C1QTNF6: variants seen among roughly 807,000 people sequenced by gnomAD.
The protein encoded by C1QTNF6 is complement C1q tumor necrosis factor-related protein 6.
In C1QTNF6, 17 loss-of-function variants were observed where a neutral mutation model predicts 20.7. The ratio of observed to expected loss-of-function variants is 0.82; its 90% CI spans 0.56 to 1.23. C1QTNF6 has a LOEUF of 1.23. C1QTNF6 is among the 50% of genes most tolerant of loss of function. C1QTNF6 has a pLI of 0.00. For missense variants in C1QTNF6, 329 were observed against 389.7 expected (o/e 0.84, Z 1.31); for synonymous variants, 130 against 156.3 (o/e 0.83, Z 1.25).
At chr22:37,192,246 T>C (rs1200316948), upstream of C1QTNF6, among the ~76,000 whole-genome samples, 1 of 152,252 alleles carries the variant, frequency 6.6e-6, no homozygotes, top group Non-Finnish European at 1.5e-5. Context: ...ACACCTTGCA[T>C]ATAAAACTGT....
At chr22:37,188,310 A>AGAGAGGAGGGGATGGAGGGT, upstream of C1QTNF6, 4 of 855,186 alleles carry the variant, frequency 4.7e-6, no homozygotes, top group Non-Finnish European at 6.4e-6. Flanking sequence ...GGATGGAGGG[A>AGAGAGGAGGGGATGGAGGGT]GAGAGGGCGG....
chr22:37,180,446 A>G lies in C1QTNF6; in HGVS notation c.*1742T>C, dbSNP rs9286. 60,679 of 152,826 alleles carry G rather than the reference A, an allele frequency of 0.4. 13,932 individuals are homozygous for G. The highest frequency in any genetic ancestry group is 0.62 in the African/African-American group (25,796 of 41,528). 9.5% of individuals were successfully genotyped at this position (152,826 alleles called of 1,614,324 possible). ...CCACCTGGGTTTGGAAGGCTAGGGG[A>G]ACACCAGGCCACCCCACCCTGGAAG... On this transcript the variant is annotated 3_prime_UTR_variant, in exon 3 of 3. Transcript: ENST00000337843.
At chr22:37,189,098 C>T (rs1156605826), upstream of C1QTNF6, among the ~76,000 whole-genome samples, 4 of 152,178 alleles carry the variant, frequency 2.6e-5, no homozygotes, top group East Asian at 7.7e-4. Flanking sequence ...TTTCCTGAAA[C>T]TGAGGCTTCC....
Position 37,182,479 on chromosome 22 carries a change from C to G in C1QTNF6, c.546G>C (p.Gln182His). 1 of 1,614,284 alleles carries G rather than the reference C, an allele frequency of 6.2e-7. No individual in the cohort carries two copies. Among genetic ancestry groups the G allele is most frequent in the Admixed American group, 1.7e-5 (1 of 60,036 alleles). The change falls in exon 3 of 3, where the codon CAG (glutamine) becomes CAC (histidine). Residue 182 changes from glutamine to histidine, a missense_variant. Physicochemically the swap from Gln to His is conservative, Grantham distance 24. Transcript: ENST00000337843. ...AGATGCCACGCAGGGGAGCAGCAAA[C>G]TGGCCGGTCGCCATGTCAAAGCACC... is the stretch of plus-strand genomic sequence containing the variant. Reference protein sequence around the residue: ...LDGCFDMATGQFAAPLRGIYF... With the variant: ...LDGCFDMATGHFAAPLRGIYF...
Position 37,181,556 on chromosome 22 carries a change from C to G in C1QTNF6, c.*632G>C, listed in dbSNP as rs564147954. On this transcript the variant is annotated 3_prime_UTR_variant, in exon 3 of 3. Coordinates refer to ENST00000337843, the MANE Select transcript of C1QTNF6 (RefSeq NM_031910.4). ...TACAAAAATTAGCCAGGCATGGTAG[C>G]AGGCGCCTGTAATCCCAGCCACTAG... 6.6e-6 allele frequency: 1 copy of G among 152,298 alleles called. No homozygotes were observed. Among genetic ancestry groups the G allele is most frequent in the African/African-American group, 2.4e-5 (1 of 41,508 alleles). The allele number at this position is 152,298 out of a possible 1,614,324, so 9.4% of individuals were successfully genotyped here. A position where few individuals can be genotyped will look rare whatever the true frequency, so the allele number is the denominator to read the frequency against.
upstream of C1QTNF6, among the ~76,000 whole-genome samples, chr22:37,189,867 A>T (rs542110526): frequency 7.9e-5 from 12 of 152,310 alleles, no homozygotes; most frequent in Admixed American, 7.8e-4. Context: ...AATGCCTGTG[A>T]CTTATCGGGT....
chr22:37,198,726 T>G (rs1326400027), upstream of C1QTNF6, among the ~76,000 whole-genome samples: 1 of 138,546 alleles, frequency 7.2e-6, no homozygotes, highest in Non-Finnish European at 1.5e-5. Flanking sequence ...GCCCGTCCCC[T>G]CAGGGAACTT....
chr22:37,189,304 T>G (rs560660983), upstream of C1QTNF6, among the ~76,000 whole-genome samples: 1 of 152,336 alleles, frequency 6.6e-6, no homozygotes, highest in East Asian at 1.9e-4. Context: ...TACCGCATAC[T>G]GTTTCTCAGC....
chr22:37,193,943 C>T (rs1299922502), intron 2 of C1QTNF6, among the ~76,000 whole-genome samples: 1 of 152,188 alleles, frequency 6.6e-6, no homozygotes, highest in Non-Finnish European at 1.5e-5. Flanking sequence ...GCTACTGAGC[C>T]ACGGCACTAG....
At chr22:37,186,080 C>T in intron 1 of C1QTNF6, 1 of 985,502 alleles carries the variant, frequency 1.0e-6, no homozygotes, top group Non-Finnish European at 1.2e-6. Flanking sequence ...TTCATTGATC[C>T]TAGCAGACAG....
In C1QTNF6 at chr22:37,184,258, C is replaced by T; in HGVS notation, c.289+960G>A. On this transcript the variant is annotated intron_variant, in intron 2 of 2. Coordinates refer to ENST00000337843, the MANE Select transcript of C1QTNF6 (RefSeq NM_031910.4). The surrounding 1 kb of genome is among the most constrained non-coding windows in gnomAD (Gnocchi z 4.0). ...GGGAGAGCTCAGGAACAAATCCTGG[C>T]TCCATCCCTGACAGCTGTGTGGCCC... 1.5e-6 allele frequency: 1 copy of T among 682,466 alleles called. No individual in the cohort carries two copies. Among genetic ancestry groups the T allele is most frequent in the Non-Finnish European group, 2.7e-6 (1 of 364,508 alleles). 42.3% of individuals were successfully genotyped at this position (682,466 alleles called of 1,614,324 possible). A position where few individuals can be genotyped will look rare whatever the true frequency, so the allele number is the denominator to read the frequency against.
rs138338954 is a variant in C1QTNF6 at position 37,182,298 on chromosome 22, G to T, written c.727C>A (p.Arg243Ser). The T allele has an allele frequency of 9.9e-6, 16 of 1,614,056 alleles. No homozygotes were observed. Among genetic ancestry groups the T allele is most frequent in the African/African-American group, 2.7e-5 (2 of 74,962 alleles). The change falls in exon 3 of 3, where the codon CGC becomes AGC. Residue 243 changes from arginine to serine, a missense_variant. Physicochemically the swap from Arg to Ser is moderately radical, Grantham distance 110 (BLOSUM62 -1). Transcript: ENST00000337843. ...SVMLDLAYGD[R>S]VWVRLFKRQR... ...CGCTTGAAGAGCCGCACCCAGACGC[G>T]GTCCCCGTAGGCCAGGTCCAGCATC...
chr22:37,185,666 G>T, intron 1 of C1QTNF6: 1 of 1,269,844 alleles, frequency 7.9e-7, no homozygotes, highest in Non-Finnish European at 9.9e-7. Flanking sequence ...GGCAGGGCAG[G>T]GCCTGCATGC....
At chr22:37,191,672 C>T (rs745476695), upstream of C1QTNF6, 6 of 152,096 alleles carry the variant, frequency 3.9e-5, no homozygotes, top group African/African-American at 9.7e-5. Context: ...CTTTACTCAC[C>T]GATAAAGGGA....
chr22:37,183,353 T>C (rs1923971774), intron 2 of C1QTNF6, among the ~76,000 whole-genome samples: 1 of 152,240 alleles, frequency 6.6e-6, no homozygotes, highest in Non-Finnish European at 1.5e-5. Context: ...CAAAATGTCC[T>C]GTGGGAAAGC....
upstream of C1QTNF6, among the ~76,000 whole-genome samples, chr22:37,190,397 T>C (rs1924739775): frequency 1.3e-5 from 2 of 152,244 alleles, no homozygotes; most frequent in Admixed American, 1.3e-4. Flanking sequence ...TGGATTTACC[T>C]ATGCCTGCAA....
upstream of C1QTNF6, chr22:37,190,917 G>C (rs918598882): frequency 4.6e-5 from 7 of 152,046 alleles, no homozygotes; most frequent in African/African-American, 1.7e-4. Context: ...AAGAAGGGGG[G>C]GTTTCTTGAC....
chr22:37,189,577 C>G (rs1045561756), upstream of C1QTNF6, among the ~76,000 whole-genome samples: 1 of 152,232 alleles, frequency 6.6e-6, no homozygotes, highest in Admixed American at 6.5e-5. Flanking sequence ...TGAATAGAGG[C>G]GATGATATTC....
upstream of C1QTNF6, chr22:37,188,316 G>GAGGGGATGGAGGGAGAGAGT: frequency 1.9e-6 from 2 of 1,037,220 alleles, no homozygotes; most frequent in Non-Finnish European, 2.7e-6. Context: ...AGGGAGAGAG[G>GAGGGGATGGAGGGAGAGAGT]GCGGAGGGAG....
Sources: gnomAD v4.1 joint callset for allele counts (sites outside exome capture counted in the v4.1 genomes callset) on GRCh38, gnomAD v4.1.1 for gene constraint, Gnocchi (gnomAD v3.1) non-coding constraint, MANE v1.5 for transcripts, NCBI Gene and HGNC (gene_info 2026-07-23, HGNC 2026-07-21) for gene names.